The following DERL3 variants were observed in gnomAD, a reference collection of about 807,000 sequenced individuals.
The protein encoded by DERL3 is derlin-3.
DERL3 carries 20 observed loss-of-function variants against 23.8 expected under a neutral mutation model. The observed-to-expected ratio is 0.84, with a 90% CI of 0.59 to 1.22. The LOEUF is 1.22. Among genes scored for constraint, DERL3 ranks in the 50% most tolerant of loss-of-function variants. DERL3 has a pLI of 0.00. For synonymous variants in DERL3, 145 were observed against 132.5 expected (o/e 1.09, Z -0.65); for missense variants, 319 against 304.1 (o/e 1.05, Z -0.36).
intron 4 of DERL3, 52 bp downstream of exon 4, chr22:23,838,300 C>A: frequency 1.3e-6 from 2 of 1,558,860 alleles, no homozygotes; most frequent in South Asian, 2.4e-5. Flanking sequence ...CCAACACAGG[C>A]TGGACGCCGA....
chr22:23,838,096 C>G, intron 4 of DERL3: 1 of 1,497,888 alleles, frequency 6.7e-7, no homozygotes, highest in Non-Finnish European at 8.9e-7. Context: ...TTTCTCCCGG[C>G]TACTCGCATT....
At position 23,838,597 on chromosome 22, in the gene DERL3, AG is replaced by A; in HGVS notation, c.199del (p.Leu67TrpfsTer42). ...CATGTTGAAGAAGAAGCTGAATCCCAGGGGCCCGAAGAAGAGGAAGTTGGTG... is the reference window on the plus strand; with the variant it reads ...CATGTTGAAGAAGAAGCTGAATCCCAGGGCCCGAAGAAGAGGAAGTTGGTG... ...LVTNFLFFGP[L>X]GFSFFFNMLF... is the part of the protein sequence containing the mutation. On this transcript the variant is annotated frameshift_variant, in exon 3 of 7. Transcript: ENST00000318109. LOFTEE classifies it high-confidence loss of function. The A allele has an allele frequency of 6.8e-7, 1 of 1,473,750 alleles. No homozygotes were observed. Among genetic ancestry groups the A allele is most frequent in the Admixed American group, 2.0e-5 (1 of 48,894 alleles). The allele number at this position is 1,473,750 out of a possible 1,614,324, so 91.3% of individuals were successfully genotyped here.
Position 23,836,781 on chromosome 22 carries a change from T to C in DERL3, c.*88A>G, listed in dbSNP as rs1236834223. Reference sequence around the variant, plus strand: ...GGTGGGCCCTTGCATGGGCCCAGCCTTTAGGATGGGTTTTTTCTGCCCCAA... The same window carrying C: ...GGTGGGCCCTTGCATGGGCCCAGCCCTTAGGATGGGTTTTTTCTGCCCCAA... On this transcript the variant is annotated 3_prime_UTR_variant, in exon 7 of 7. Coordinates refer to ENST00000318109, the MANE Select transcript of DERL3 (RefSeq NM_001002862.3). The C allele has an allele frequency of 7.1e-7, 1 of 1,411,914 alleles. No homozygotes were observed. The highest frequency in any genetic ancestry group is 1.5e-5 in the African/African-American group (1 of 68,154). 87.5% of individuals were successfully genotyped at this position (1,411,914 alleles called of 1,614,324 possible). A position where few individuals can be genotyped will look rare whatever the true frequency, so the allele number is the denominator to read the frequency against.
chr22:23,838,679 G>GCCCCC, intron 2 of DERL3, 32 bp downstream of exon 2: 1 of 464,500 alleles, frequency 2.2e-6, no homozygotes, highest in Non-Finnish European at 4.4e-6. Flanking sequence ...GGTGGGTCGG[G>GCCCCC]CCCACAGGTG....
Position 23,834,874 on chromosome 22 carries a change from TCTG to T in DERL3, c.*1992_*1994del, listed in dbSNP as rs771808525. ...CCTGCCGTCCCTGGGCCGCCCTGGC[TCTG>T]CTGTGTCCAGATGGTCAGGCTACTG... On this transcript the variant is annotated 3_prime_UTR_variant, in exon 7 of 7. Transcript: ENST00000318109. The T allele has an allele frequency of 3.7e-6, 6 of 1,612,640 alleles. No homozygotes were observed. The highest frequency in any genetic ancestry group is 4.2e-6 in the Non-Finnish European group (5 of 1,179,804).
Position 23,836,525 on chromosome 22 carries a change from C to G in DERL3, c.*344G>C. ...GTGGGGCCAGGATGAGAACCCTGAG[C>G]CTGTCACCTGTGAGCTCAAAAGCTC... On this transcript the variant is annotated 3_prime_UTR_variant, in exon 7 of 7. Coordinates refer to ENST00000318109, the MANE Select transcript of DERL3 (RefSeq NM_001002862.3). The G allele has an allele frequency of 9.6e-7, 1 of 1,036,748 alleles. No homozygotes were observed. The highest frequency in any genetic ancestry group is 1.2e-6 in the Non-Finnish European group (1 of 864,730). The allele number at this position is 1,036,748 out of a possible 1,614,324, so 64.2% of individuals were successfully genotyped here. A position where few individuals can be genotyped will look rare whatever the true frequency, so the allele number is the denominator to read the frequency against.
Position 23,838,418 on chromosome 22 carries a change from C to T in DERL3, c.261G>A (p.Glu87=), listed in dbSNP as rs761929129. 1.9e-6 allele frequency: 3 copies of T among 1,608,870 alleles called. No homozygotes were observed. The highest frequency in any genetic ancestry group is 4.5e-5 in the East Asian group (2 of 44,650). Residue 87 remains glutamate (E), a synonymous_variant, in exon 4 of 7, where the codon GAG becomes GAA. Transcript: ENST00000318109. ...FVFRYCRMLE[E]GSFRGRTADF... ...CGGCCGTGCGGCCGCGGAAGGAGCC[C>T]TCTTCCAGCATGCGGCAGTAGCGGA...
At position 23,838,877 on chromosome 22, in the gene DERL3, G is replaced by T. The variant is rs2031337204; in HGVS notation, c.93+18C>A. 6.4e-7 allele frequency: 1 copy of T among 1,553,490 alleles called. No individual in the cohort carries two copies. The highest frequency in any genetic ancestry group is 1.4e-5 in the African/African-American group (1 of 73,326). On this transcript the variant is annotated intron_variant, in intron 1 of 6. Coordinates refer to ENST00000318109, the MANE Select transcript of DERL3 (RefSeq NM_001002862.3). ...GAGGCTGTAACCAAGGCGACGTCCG[G>T]TCCGCCCGGCCGCTTACCACCGCGG...
At chr22:23,837,185 C>T (rs780276958) in intron 5 of DERL3, 31 bp from the exon 6 acceptor site, 2 of 1,611,256 alleles carry the variant, frequency 1.2e-6, no homozygotes, top group Non-Finnish European at 8.5e-7. Flanking sequence ...GTGGGGTCAC[C>T]CTCCACAGCC....
In DERL3 at chr22:23,836,091, C is replaced by G. The variant is rs551310409; in HGVS notation, c.*778G>C. 557 of 985,472 alleles carry G rather than the reference C, an allele frequency of 5.7e-4. 3 individuals carry two copies. The African/African-American group carries it at 9.3e-3, about 16-fold the overall frequency. The allele number at this position is 985,472 out of a possible 1,614,324, so 61.0% of individuals were successfully genotyped here. A position where few individuals can be genotyped will look rare whatever the true frequency, so the allele number is the denominator to read the frequency against. ...GAAGAGAAAAATGAGCCACAGGGGT[C>G]GGATAAGGCTCACACACGTCCTCAG... On this transcript the variant is annotated 3_prime_UTR_variant, in exon 7 of 7. Coordinates refer to ENST00000318109, the MANE Select transcript of DERL3 (RefSeq NM_001002862.3).
In DERL3 at chr22:23,835,419, G is replaced by A. The variant is rs2030966686; in HGVS notation, c.*1450C>T. 1.0e-6 allele frequency: 1 copy of A among 986,954 alleles called. No individual in the cohort carries two copies. The highest frequency in any genetic ancestry group is 1.2e-6 in the Non-Finnish European group (1 of 831,134). The allele number at this position is 986,954 out of a possible 1,614,324, so 61.1% of individuals were successfully genotyped here. ...GGCAGGGCTAGGGTCAGAGGCTGCT[G>A]TGCTCCCTGGAAGTGGGGTAGGGCC... On this transcript the variant is annotated 3_prime_UTR_variant, in exon 7 of 7. Transcript: ENST00000318109.
rs1018516984 is a variant in DERL3 at position 23,837,744 on chromosome 22, C to A, written c.438G>T (p.Leu146=). Residue 146 remains leucine (L), a synonymous_variant, in exon 5 of 7, where the codon CTG becomes CTT. Coordinates refer to ENST00000318109, the MANE Select transcript of DERL3 (RefSeq NM_001002862.3). ...SPRVRVNFFG[L]LTFQAPFLPW... is the part of the protein sequence containing the mutation. Reference sequence around the variant, plus strand: ...GCAGGAACGGTGCCTGGAAAGTGAGCAGGCCGAAGAAGTTGACCCTCACCC... The same window carrying A: ...GCAGGAACGGTGCCTGGAAAGTGAGAAGGCCGAAGAAGTTGACCCTCACCC... 4.3e-6 allele frequency: 7 copies of A among 1,613,928 alleles called. No individual in the cohort carries two copies. In the East Asian group the frequency reaches 1.3e-4, roughly 31 times the overall value.
chr22:23,838,736 G>T lies in DERL3; in HGVS notation c.134C>A (p.Pro45Gln). Residue 45 changes from proline (P) to glutamine (Q), a missense_variant, in exon 2 of 7, where the codon CCG (proline) becomes CAG (glutamine). By Grantham distance (76) the Pro-to-Gln change is moderately conservative. Coordinates refer to ENST00000318109, the MANE Select transcript of DERL3 (RefSeq NM_001002862.3). ...LLSPFQLYFN[P>Q]HLVFRKFQVW... ...CTGGAACTTCCGGAACACAAGGTGC[G>T]GGTTGAAGTAGAGTTGAAAGGGGCT... 1 of 1,551,214 alleles carries T rather than the reference G, an allele frequency of 6.4e-7. No homozygotes were observed. The highest frequency in any genetic ancestry group is 8.7e-7 in the Non-Finnish European group (1 of 1,146,842).
chr22:23,835,185 C>G lies in DERL3; in HGVS notation c.*1684G>C. ...AGGAGACACAGCCCAGGGTCCCTTCCCAGCCCTGCCTCCAAGGAGTTCATG... is the reference window on the plus strand; with the variant it reads ...AGGAGACACAGCCCAGGGTCCCTTCGCAGCCCTGCCTCCAAGGAGTTCATG... On this transcript the variant is annotated 3_prime_UTR_variant, in exon 7 of 7. Transcript: ENST00000318109. 3.9e-6 allele frequency: 5 copies of G among 1,276,680 alleles called. No homozygotes were observed. The highest frequency in any genetic ancestry group is 4.9e-6 in the Non-Finnish European group (5 of 1,013,578). 79.1% of individuals were successfully genotyped at this position (1,276,680 alleles called of 1,614,324 possible).
chr22:23,835,541 C>T lies in DERL3; in HGVS notation c.*1328G>A, dbSNP rs369802669. 14 of 985,376 alleles carry T rather than the reference C, an allele frequency of 1.4e-5. No individual in the cohort carries two copies. The East Asian group carries it at 4.5e-4, about 32-fold the overall frequency. The allele number at this position is 985,376 out of a possible 1,614,324, so 61.0% of individuals were successfully genotyped here. A position where few individuals can be genotyped will look rare whatever the true frequency, so the allele number is the denominator to read the frequency against. On this transcript the variant is annotated 3_prime_UTR_variant, in exon 7 of 7. Coordinates refer to ENST00000318109, the MANE Select transcript of DERL3 (RefSeq NM_001002862.3). ...CCTTTGAGCACATGTTAGCATGGGACTCTTCCCAGGGAGTTTGCACTCAGG... is the reference window on the plus strand; with the variant it reads ...CCTTTGAGCACATGTTAGCATGGGATTCTTCCCAGGGAGTTTGCACTCAGG...
At chr22:23,838,473 C>T (rs780854104) in intron 3 of DERL3, 28 bp from the exon 4 acceptor site, 1 of 1,582,926 alleles carries the variant, frequency 6.3e-7, no homozygotes. Flanking sequence ...GAAGTGCCAC[C>T]AGGCGGGGCC....
Position 23,836,046 on chromosome 22 carries a change from C to T in DERL3, c.*823G>A. ...CACAACATGGACAGGCTTAGAACAA[C>T]AAGGAAAGCTGCCAGGTCAGAAGAG... On this transcript the variant is annotated 3_prime_UTR_variant, in exon 7 of 7. Transcript: ENST00000318109. 2.0e-6 allele frequency: 2 copies of T among 985,480 alleles called. No homozygotes were observed. Among genetic ancestry groups the T allele is most frequent in the Non-Finnish European group, 2.4e-6 (2 of 829,954 alleles). The allele number at this position is 985,480 out of a possible 1,614,324, so 61.0% of individuals were successfully genotyped here.
rs1300558632 is a variant in DERL3, at chr22:23,838,338, T to G, written c.327+14A>C. On this transcript the variant is annotated intron_variant, in intron 4 of 6. Transcript: ENST00000318109. Reference sequence around the variant, plus strand: ...CGCCCTAGCCCGAGGTTCCAGAGCCTGCGGGAAGGATACGGTCATAAGGAC... The same window carrying G: ...CGCCCTAGCCCGAGGTTCCAGAGCCGGCGGGAAGGATACGGTCATAAGGAC... 6.3e-7 allele frequency: 1 copy of G among 1,592,428 alleles called. No homozygotes were observed. The highest frequency in any genetic ancestry group is 1.7e-5 in the Admixed American group (1 of 57,160).
At position 23,836,485 on chromosome 22, in the gene DERL3, T is replaced by C; in HGVS notation, c.*384A>G. 2.0e-6 allele frequency: 2 copies of C among 1,004,316 alleles called. No homozygotes were observed. Among genetic ancestry groups the C allele is most frequent in the South Asian group, 9.3e-5 (2 of 21,584 alleles). 62.2% of individuals were successfully genotyped at this position (1,004,316 alleles called of 1,614,324 possible). On this transcript the variant is annotated 3_prime_UTR_variant, in exon 7 of 7. Transcript: ENST00000318109. ...AGCAGAGGCCTATGGTGGGCAGGAC[T>C]TGCCCAAGGCCCTGGTGGGGCCAGG... is the stretch of plus-strand genomic sequence containing the variant.
Sources: gnomAD v4.1 joint callset for allele counts on GRCh38, gnomAD v4.1.1 for gene constraint, MANE v1.5 for transcripts, NCBI Gene and HGNC (gene_info 2026-07-23, HGNC 2026-07-21) for gene names.